LHFPL3: variants seen among roughly 807,000 people sequenced by gnomAD.
LHFPL3 encodes the protein LHFPL tetraspan subfamily member 3, also known as LHFPL tetraspan subfamily member 3 protein.
LHFPL3 carries 5 observed loss-of-function variants against 19.3 expected under a neutral mutation model. The ratio of observed to expected loss-of-function variants is 0.26; its 90% CI spans 0.14 to 0.54. The LOEUF is 0.54. Ranked by LOEUF, LHFPL3 falls within the 20% of genes least tolerant of loss-of-function variation. The probability of loss-of-function intolerance (pLI) is 0.94; values close to 1 mark genes in which losing one functional copy is unlikely to be tolerated. For missense variants in LHFPL3, 249 were observed against 307.4 expected (o/e 0.81, Z 1.42); for synonymous variants, 133 against 126.2 (o/e 1.05, Z -0.36).
intron 2 of LHFPL3, among the ~76,000 whole-genome samples, chr7:104,758,885 C>T (rs1454058504): frequency 1.3e-5 from 2 of 152,148 alleles, no homozygotes; most frequent in Non-Finnish European, 1.5e-5. Flanking sequence ...ATCCTCGTAA[C>T]CCTAAAGTCT....
intron 1 of LHFPL3, among the ~76,000 whole-genome samples, chr7:104,575,344 C>A (rs4354244): frequency 6.6e-6 from 1 of 151,766 alleles, no homozygotes; most frequent in Admixed American, 6.6e-5. Flanking sequence ...GTCTGATATG[C>A]CTCTACTTAC....
intron 2 of LHFPL3, among the ~76,000 whole-genome samples, chr7:104,762,189 T>A (rs1201160962): frequency 6.6e-6 from 1 of 152,012 alleles, no homozygotes; most frequent in Non-Finnish European, 1.5e-5. Flanking sequence ...ACAAAGATAT[T>A]TGCTGGAGTG....
At chr7:104,778,322 C>CCCA (rs1794664604) in intron 2 of LHFPL3, among the ~76,000 whole-genome samples, 1 of 152,114 alleles carries the variant, frequency 6.6e-6, no homozygotes, top group South Asian at 2.1e-4. Context: ...GGTGACCCTA[C>CCCA]CCACCTTGGT....
chr7:104,878,842 T>G (rs1791994925), intron 2 of LHFPL3, among the ~76,000 whole-genome samples: 1 of 152,156 alleles, frequency 6.6e-6, no homozygotes, highest in African/African-American at 2.4e-5. Flanking sequence ...AACACACAAA[T>G]GATAAGAAAG....
intron 1 of LHFPL3, among the ~76,000 whole-genome samples, chr7:104,404,999 C>T (rs1791388374): frequency 6.6e-6 from 1 of 152,140 alleles, no homozygotes; most frequent in African/African-American, 2.4e-5. Flanking sequence ...CTGATAAGGT[C>T]CGTAAAACCA....
intron 1 of LHFPL3, among the ~76,000 whole-genome samples, chr7:104,518,379 T>C (rs191366495): frequency 6.6e-6 from 1 of 152,232 alleles, no homozygotes; most frequent in East Asian, 1.9e-4. Flanking sequence ...AAAAATATAT[T>C]AAGTTTGAAT....
intron 1 of LHFPL3, among the ~76,000 whole-genome samples, chr7:104,686,816 G>T (rs1351218671): frequency 2.0e-5 from 3 of 152,194 alleles, no homozygotes; most frequent in Non-Finnish European, 2.9e-5. Flanking sequence ...CCGCATGGCT[G>T]GGGAGGCCTC....
intron 2 of LHFPL3, among the ~76,000 whole-genome samples, chr7:104,829,251 C>A (rs1040679647): frequency 2.6e-5 from 4 of 151,592 alleles, no homozygotes; most frequent in Non-Finnish European, 4.4e-5. Context: ...GAAATGGGGG[C>A]ATATAAAGGA....
intron 1 of LHFPL3, among the ~76,000 whole-genome samples, chr7:104,598,689 T>C (rs1290327911): frequency 6.6e-6 from 1 of 152,240 alleles, no homozygotes; most frequent in Admixed American, 6.5e-5. Flanking sequence ...AGTCCTTCTC[T>C]ACTCATAACA....
At chr7:104,857,035 A>C (rs2116627196) in intron 2 of LHFPL3, among the ~76,000 whole-genome samples, 1 of 152,350 alleles carries the variant, frequency 6.6e-6, no homozygotes, top group East Asian at 1.9e-4. Context: ...GCTGTATGCC[A>C]GGGTCTTTGC....
At chr7:104,850,609 T>C (rs576561261) in intron 2 of LHFPL3, among the ~76,000 whole-genome samples, 24 of 152,308 alleles carry the variant, frequency 1.6e-4, no homozygotes, top group African/African-American at 4.8e-4. Context: ...TGAAACTAAA[T>C]TGTTTTAATT....
At chr7:104,793,674 T>C (rs972153262) in intron 2 of LHFPL3, among the ~76,000 whole-genome samples, 2 of 152,192 alleles carry the variant, frequency 1.3e-5, no homozygotes, top group Non-Finnish European at 2.9e-5. Context: ...TGGTTTGGTT[T>C]TTTAGCAACT....
intron 1 of LHFPL3, among the ~76,000 whole-genome samples, chr7:104,560,675 A>G (rs1318142932): frequency 2.7e-5 from 4 of 149,960 alleles, no homozygotes; most frequent in Admixed American, 1.3e-4. Context: ...TTGTGTCTCT[A>G]TTTCCTTCAG....
Position 104,331,499 on chromosome 7 carries a change from T to G in LHFPL3, c.445+2275T>G, listed in dbSNP as rs557761583. On this transcript the variant is annotated intron_variant, in intron 1 of 2. Transcript: ENST00000424859. ...AAATTGATTCTGATGACAGGTCAAA[T>G]AAGGATCTGTCACTCATTCACAGAT... 2.6e-5 allele frequency among the ~76,000 whole-genome samples: 4 copies of G among 151,580 alleles called. No homozygotes were observed. In the South Asian group the frequency reaches 8.4e-4, roughly 32 times the overall value.
intron 1 of LHFPL3, among the ~76,000 whole-genome samples, chr7:104,522,878 T>C (rs1395183828): frequency 6.6e-6 from 1 of 152,050 alleles, no homozygotes; most frequent in Non-Finnish European, 1.5e-5. Flanking sequence ...GCACAGAGTG[T>C]TCAGAGTATA....
intron 1 of LHFPL3, among the ~76,000 whole-genome samples, chr7:104,735,353 G>A (rs956543795): frequency 3.3e-5 from 5 of 152,226 alleles, no homozygotes; most frequent in South Asian, 2.1e-4. Flanking sequence ...CTTGAGCTGC[G>A]GTGGGCTCCA....
At chr7:104,755,565 C>A (rs1280711494) in intron 2 of LHFPL3, among the ~76,000 whole-genome samples, 1 of 145,596 alleles carries the variant, frequency 6.9e-6, no homozygotes, top group African/African-American at 2.5e-5. Context: ...CTTTCTCTCC[C>A]CCAACCCCCA....
intron 1 of LHFPL3, among the ~76,000 whole-genome samples, chr7:104,535,573 G>T (rs1045159772): frequency 3.3e-5 from 5 of 152,174 alleles, no homozygotes; most frequent in African/African-American, 1.2e-4. Context: ...TGTTCTGATG[G>T]GGAGTAATCC....
At chr7:104,329,645 A>G (rs1489953056) in intron 1 of LHFPL3, among the ~76,000 whole-genome samples, 3 of 152,138 alleles carry the variant, frequency 2.0e-5, no homozygotes, top group African/African-American at 7.2e-5. Flanking sequence ...TGGAAGGAGC[A>G]GCCAGCCTGC....
Sources: gnomAD v4.1 joint callset for allele counts (sites outside exome capture counted in the v4.1 genomes callset) on GRCh38, gnomAD v4.1.1 for gene constraint, MANE v1.5 for transcripts, NCBI Gene and HGNC (gene_info 2026-07-23, HGNC 2026-07-21) for gene names.